FGF10: variants seen among roughly 807,000 people sequenced by gnomAD.
FGF10 encodes FGF-10.
A neutral mutation model predicts 19.8 loss-of-function variants in FGF10; 2 were observed. The ratio of observed to expected loss-of-function variants is 0.10; its 90% CI spans 0.04 to 0.32. FGF10 has a LOEUF of 0.32. Ranked by LOEUF, FGF10 falls within the 10% of genes least tolerant of loss-of-function variation. FGF10 has a pLI of 1.00. For synonymous variants in FGF10, 112 were observed against 94.0 expected, an observed-to-expected ratio of 1.19 and a Z score of -1.10; for missense variants, 191 against 246.3, an observed-to-expected ratio of 0.78 and a Z score of 1.50.
intron 1 of FGF10, among the ~76,000 whole-genome samples, chr5:44,323,290 C>T (rs1740539303): frequency 6.6e-6 from 1 of 152,164 alleles, no homozygotes; most frequent in Non-Finnish European, 1.5e-5. Flanking sequence ...GTAAAGCATG[C>T]AGCCAGTATT....
At chr5:44,367,206 C>T (rs1741636823) in intron 1 of FGF10, among the ~76,000 whole-genome samples, 1 of 151,810 alleles carries the variant, frequency 6.6e-6, no homozygotes, top group Non-Finnish European at 1.5e-5. Context: ...GAAAAAAATC[C>T]ATTTTTTTCA....
chr5:44,328,809 C>G (rs1020642651), intron 1 of FGF10, among the ~76,000 whole-genome samples: 1 of 152,094 alleles, frequency 6.6e-6, no homozygotes, highest in Non-Finnish European at 1.5e-5. Context: ...CACAAAAAGA[C>G]AAATATGTAT....
At position 44,305,160 on chromosome 5, in the gene FGF10, C is replaced by T. The variant is rs1460500653; in HGVS notation, c.462G>A (p.Glu154=). The part of the protein sequence containing the change: ...KEFNNDCKLK[E]RIEENGYNTY... ...TATTGTATCCATTTTCCTCTATCCT[C>T]TCCTTCAGCTTACAGTCATTGTTAA... Residue 154 remains glutamate, a synonymous_variant, in exon 3 of 3, where the codon GAG becomes GAA. Transcript: ENST00000264664. 1.2e-6 allele frequency: 2 copies of T among 1,613,892 alleles called. No homozygotes were observed. Among genetic ancestry groups the T allele is most frequent in the South Asian group, 2.2e-5 (2 of 91,082 alleles).
chr5:44,347,653 T>C (rs1441669650), intron 1 of FGF10, among the ~76,000 whole-genome samples: 1 of 151,668 alleles, frequency 6.6e-6, no homozygotes, highest in African/African-American at 2.4e-5. Context: ...GCCACATGAA[T>C]AAATCATACA....
chr5:44,311,084 C>T (rs1043556706), intron 1 of FGF10, among the ~76,000 whole-genome samples: 2 of 151,962 alleles, frequency 1.3e-5, no homozygotes, highest in Non-Finnish European at 2.9e-5. Flanking sequence ...TTCTGAGATA[C>T]AGGGAGACTA....
chr5:44,344,642 A>G (rs949286740), intron 1 of FGF10, among the ~76,000 whole-genome samples: 1 of 141,244 alleles, frequency 7.1e-6, no homozygotes, highest in Non-Finnish European at 1.5e-5. Flanking sequence ...TCCAGGGTCA[A>G]ATATTTTGCA....
chr5:44,305,741 T>C (rs889556223), intron 2 of FGF10, among the ~76,000 whole-genome samples: 1 of 152,202 alleles, frequency 6.6e-6, no homozygotes, highest in Admixed American at 6.5e-5. Context: ...GATGTCTTTC[T>C]TCCAAATATC....
intron 1 of FGF10, among the ~76,000 whole-genome samples, chr5:44,329,012 C>A (rs931312583): frequency 6.6e-6 from 1 of 151,944 alleles, no homozygotes; most frequent in Non-Finnish European, 1.5e-5. Flanking sequence ...AAATAAATAG[C>A]CTAAGAAGAG....
At chr5:44,336,455 T>C (rs1370596789) in intron 1 of FGF10, among the ~76,000 whole-genome samples, 1 of 152,198 alleles carries the variant, frequency 6.6e-6, no homozygotes, top group Non-Finnish European at 1.5e-5. Context: ...AGATTCTATG[T>C]TTGTCTTCTT....
intron 1 of FGF10, among the ~76,000 whole-genome samples, chr5:44,363,004 G>A (rs987696920): frequency 6.6e-6 from 1 of 151,758 alleles, no homozygotes; most frequent in Non-Finnish European, 1.5e-5. Flanking sequence ...CATGTAGTAA[G>A]TACTGAAAGT....
chr5:44,313,631 A>G (rs1039618153), intron 1 of FGF10, among the ~76,000 whole-genome samples: 1 of 151,376 alleles, frequency 6.6e-6, no homozygotes, highest in Admixed American at 6.6e-5. Flanking sequence ...AAATTATATT[A>G]TTAATGAAAG....
At chr5:44,313,253 T>C (rs964059417) in intron 1 of FGF10, among the ~76,000 whole-genome samples, 14 of 152,088 alleles carry the variant, frequency 9.2e-5, no homozygotes, top group Non-Finnish European at 2.1e-4. Context: ...GCACCTATTA[T>C]AAACATCTGT....
chr5:44,329,123 G>A (rs1212340123), intron 1 of FGF10, among the ~76,000 whole-genome samples: 3 of 152,178 alleles, frequency 2.0e-5, no homozygotes, highest in South Asian at 4.1e-4. Flanking sequence ...CTTACTGTTA[G>A]TAAATAGGTG....
chr5:44,339,938 A>G (rs142035765), intron 1 of FGF10, among the ~76,000 whole-genome samples: 8 of 152,226 alleles, frequency 5.3e-5, no homozygotes, highest in Admixed American at 5.2e-4. Flanking sequence ...TTCTTTCTCC[A>G]CTATTTGGTT....
chr5:44,366,127 C>CTTTTTTTTTTTTTTTTTTT (rs35522683), intron 1 of FGF10, among the ~76,000 whole-genome samples: 5 of 74,824 alleles, frequency 6.7e-5, no homozygotes, highest in South Asian at 6.7e-4. Flanking sequence ...CAATTATTTC[C>CTTTTTTTTTTTTTTTTTTT]TTTTTTTTTT....
intron 1 of FGF10, among the ~76,000 whole-genome samples, chr5:44,358,876 C>A (rs546144266): frequency 6.6e-6 from 1 of 151,612 alleles, no homozygotes; most frequent in African/African-American, 2.4e-5. Context: ...ATTGATACAT[C>A]TACTTTAGAA....
At chr5:44,331,073 A>G (rs1471195329) in intron 1 of FGF10, among the ~76,000 whole-genome samples, 3 of 152,148 alleles carry the variant, frequency 2.0e-5, no homozygotes, top group African/African-American at 7.2e-5. Context: ...CTAATGGTAA[A>G]AGGAGAGAGA....
intron 1 of FGF10, among the ~76,000 whole-genome samples, chr5:44,357,026 G>GA (rs36063596): frequency 2.7e-5 from 4 of 150,722 alleles, no homozygotes; most frequent in Non-Finnish European, 3.0e-5. Flanking sequence ...AAAACTGTTT[G>GA]AAAAAAAGAT....
intron 1 of FGF10, among the ~76,000 whole-genome samples, chr5:44,376,309 C>T (rs1316856429): frequency 6.6e-6 from 1 of 151,636 alleles, no homozygotes; most frequent in Non-Finnish European, 1.5e-5. Context: ...AAGTCTGACT[C>T]AAGAGCTCAT....
Sources: gnomAD v4.1 joint callset for allele counts (sites outside exome capture counted in the v4.1 genomes callset) on GRCh38, gnomAD v4.1.1 for gene constraint, MANE v1.5 for transcripts, NCBI Gene and HGNC (gene_info 2026-07-23, HGNC 2026-07-21) for gene names.